The following ORC5 variants were observed in gnomAD, a reference collection of about 807,000 sequenced individuals.
ORC5 encodes origin recognition complex subunit 5.
Under a neutral mutation model 58.8 loss-of-function variants are expected in ORC5, and 39 were observed. That is an observed-to-expected ratio of 0.66 (90% confidence interval 0.51 to 0.87). The LOEUF (loss-of-function observed/expected upper bound fraction) is 0.87, where lower values mean the gene tolerates loss of function less well. Among genes scored for constraint, ORC5 ranks in the 40% least tolerant of loss-of-function variants. The probability of loss-of-function intolerance (pLI) is 0.00; values close to 1 mark genes in which losing one functional copy is unlikely to be tolerated. For synonymous variants in ORC5, 218 were observed against 177.6 expected (o/e 1.23, Z -1.81); for missense variants, 493 against 506.3 (o/e 0.97, Z 0.25).
intron 8 of ORC5, among the ~76,000 whole-genome samples, chr7:104,168,982 T>G (rs1183517410): frequency 3.9e-5 from 6 of 152,162 alleles, no homozygotes; most frequent in African/African-American, 1.4e-4. Flanking sequence ...CTTGGGTGGC[T>G]GAGGCACGAG....
At chr7:104,201,218 C>T (rs1217217095) in intron 2 of ORC5, among the ~76,000 whole-genome samples, 1 of 152,146 alleles carries the variant, frequency 6.6e-6, no homozygotes, top group Non-Finnish European at 1.5e-5. Context: ...ATTTCCTTGA[C>T]TCCCACCATG....
At chr7:104,188,197 C>T (rs1002520445) in intron 6 of ORC5, 54 bp downstream of exon 6, 43 of 689,928 alleles carry the variant, frequency 6.2e-5, no homozygotes, top group Middle Eastern at 2.9e-4. Flanking sequence ...TATATGTATA[C>T]ACACACACAC....
At chr7:104,187,838 C>T in intron 6 of ORC5, 2 of 987,092 alleles carry the variant, frequency 2.0e-6, no homozygotes, top group South Asian at 9.4e-5. Flanking sequence ...GATTCTAGAC[C>T]TCAATCACCG....
At position 104,141,462 on chromosome 7, in the gene ORC5, C is replaced by G. The variant is rs367978824; in HGVS notation, c.1150-4569G>C. 5.3e-5 allele frequency among the ~76,000 whole-genome samples: 8 copies of G among 152,158 alleles called. No homozygotes were observed. The East Asian group carries it at 1.3e-3, about 26-fold the overall frequency. ...AACATTTAAAGTTAGTAAGATCTAT[C>G]TTTTGCCACTTGCTAGCAGTAGACT... On this transcript the variant is annotated intron_variant, in intron 12 of 13. Coordinates refer to ENST00000297431, the MANE Select transcript of ORC5 (RefSeq NM_002553.4).
chr7:104,127,387 T>C (rs571952995), intron 13 of ORC5, among the ~76,000 whole-genome samples: 196 of 152,218 alleles, frequency 1.3e-3, no homozygotes, highest in Non-Finnish European at 2.5e-3. Context: ...TGTGTGTGTA[T>C]TGTAACTAAA....
chr7:104,192,455 A>C (rs1032683859), intron 5 of ORC5, among the ~76,000 whole-genome samples: 1 of 152,162 alleles, frequency 6.6e-6, no homozygotes, highest in Non-Finnish European at 1.5e-5. Context: ...AGATTCCAGA[A>C]AAACTATGTC....
intron 12 of ORC5, among the ~76,000 whole-genome samples, chr7:104,148,091 C>T (rs1414998827): frequency 1.3e-5 from 2 of 152,140 alleles, no homozygotes; most frequent in African/African-American, 2.4e-5. Flanking sequence ...GAATTTATTA[C>T]TGTGTCCAGG....
intron 2 of ORC5, chr7:104,202,560 T>C (rs1799970658): frequency 2.2e-6 from 1 of 456,314 alleles, no homozygotes. Context: ...TCAGAAGTAG[T>C]AACAATAATC....
intron 12 of ORC5, among the ~76,000 whole-genome samples, chr7:104,159,183 T>C (rs942414702): frequency 6.7e-6 from 1 of 150,286 alleles, no homozygotes; most frequent in African/African-American, 2.5e-5. Context: ...TGTAGGGACA[T>C]GGATGAAATT....
At chr7:104,193,880 T>C (rs1022322595) in intron 5 of ORC5, among the ~76,000 whole-genome samples, 11 of 151,888 alleles carry the variant, frequency 7.2e-5, no homozygotes, top group African/African-American at 2.4e-4. Flanking sequence ...CTTTCATCTA[T>C]GCTGCTTTGT....
intron 1 of ORC5, among the ~76,000 whole-genome samples, chr7:104,205,002 G>C (rs1442657578): frequency 6.7e-6 from 1 of 149,980 alleles, no homozygotes; most frequent in Non-Finnish European, 1.5e-5. Flanking sequence ...ACAAATAACA[G>C]TAAAAGACAT....
At chr7:104,160,513 T>C (rs1216437972) in intron 12 of ORC5, among the ~76,000 whole-genome samples, 1 of 152,164 alleles carries the variant, frequency 6.6e-6, no homozygotes, top group Non-Finnish European at 1.5e-5. Context: ...TAATAATTTG[T>C]TTTTTCTTAA....
intron 1 of ORC5, 109 bp downstream of exon 1, chr7:104,207,724 A>G: frequency 1.1e-6 from 1 of 945,226 alleles, no homozygotes; most frequent in Non-Finnish European, 1.7e-6. Context: ...TAACGTAAAA[A>G]CGGCCTTTTG....
intron 3 of ORC5, among the ~76,000 whole-genome samples, chr7:104,200,321 C>T (rs779676591): frequency 1.3e-5 from 2 of 152,172 alleles, no homozygotes; most frequent in African/African-American, 2.4e-5. Context: ...TTCTTTTTCT[C>T]CCGTCATACT....
intron 13 of ORC5, among the ~76,000 whole-genome samples, chr7:104,128,237 C>T (rs916548695): frequency 6.6e-6 from 1 of 152,180 alleles, no homozygotes; most frequent in African/African-American, 2.4e-5. Flanking sequence ...ATTCTCCTGC[C>T]TCAGCCTCTC....
chr7:104,200,949 C>A lies in ORC5; in HGVS notation c.175G>T (p.Val59Leu). Residue 59 changes from valine (V) to leucine (L), a missense_variant, in exon 3 of 14, where the codon GTG (valine) becomes TTG (leucine). By Grantham distance (32) the Val-to-Leu change is conservative. Transcript: ENST00000297431. ...AAGCATTCAACACAATTCACAAACACATGTGGGAGCTGAAAACGAAAACCA... is the reference window on the plus strand; with the variant it reads ...AAGCATTCAACACAATTCACAAACAAATGTGGGAGCTGAAAACGAAAACCA... ...TLLKTLELPH[V>L]FVNCVECFTL... 6.2e-7 allele frequency: 1 copy of A among 1,612,316 alleles called. No homozygotes were observed. Among genetic ancestry groups the A allele is most frequent in the East Asian group, 2.2e-5 (1 of 44,776 alleles).
At chr7:104,173,720 G>A (rs527879497) in intron 8 of ORC5, among the ~76,000 whole-genome samples, 1 of 152,116 alleles carries the variant, frequency 6.6e-6, no homozygotes, top group South Asian at 2.1e-4. Context: ...CTTCTGGTTT[G>A]AATACTCCGG....
At chr7:104,184,955 C>G (rs1799512567) in intron 6 of ORC5, among the ~76,000 whole-genome samples, 1 of 152,192 alleles carries the variant, frequency 6.6e-6, no homozygotes, top group South Asian at 2.1e-4. Context: ...CCTCCAATAA[C>G]CTGTTATGCC....
chr7:104,205,728 C>T (rs1191997606), intron 1 of ORC5, among the ~76,000 whole-genome samples: 1 of 152,182 alleles, frequency 6.6e-6, no homozygotes, highest in Non-Finnish European at 1.5e-5. Context: ...CCCAAAAATT[C>T]TGTCTCAGCA....
Sources: allele counts gnomAD v4.1 joint callset (sites outside exome capture counted in the v4.1 genomes callset), GRCh38; gene constraint gnomAD v4.1.1; transcripts MANE v1.5; gene names NCBI Gene and HGNC (gene_info 2026-07-23, HGNC 2026-07-21).